Variants in CD2AP observed in about 807,000 individuals in gnomAD.
CD2AP encodes the protein CD2 associated protein.
Under a neutral mutation model 85.1 loss-of-function variants are expected in CD2AP, and 46 were observed. The ratio of observed to expected loss-of-function variants is 0.54; its 90% CI spans 0.43 to 0.69. CD2AP has a LOEUF of 0.69. CD2AP is among the 30% of genes least tolerant of loss of function. The pLI, the probability that CD2AP is intolerant of heterozygous loss-of-function variation, is 0.00. For synonymous variants in CD2AP, 255 were observed against 252.9 expected, an observed-to-expected ratio of 1.01 and a Z score of -0.08; for missense variants, 769 against 729.5, an observed-to-expected ratio of 1.05 and a Z score of -0.62.
intron 11 of CD2AP, among the ~76,000 whole-genome samples, chr6:47,583,317 G>A (rs1175182369): frequency 3.3e-5 from 5 of 152,064 alleles, no homozygotes; most frequent in African/African-American, 7.2e-5. Context: ...TCCTAGTGTT[G>A]TAACTATTAT....
intron 5 of CD2AP, among the ~76,000 whole-genome samples, chr6:47,568,860 G>A (rs943426424): frequency 1.3e-5 from 2 of 152,192 alleles, no homozygotes; most frequent in East Asian, 3.8e-4. Context: ...TGACATTTAA[G>A]GAATGGACTG....
chr6:47,606,021 A>G, intron 13 of CD2AP, 144 bp from the exon 14 acceptor site: 2 of 599,790 alleles, frequency 3.3e-6, no homozygotes, highest in South Asian at 2.1e-5. Context: ...CCAAATGCAT[A>G]TGAAAAGCAC....
chr6:47,624,049 C>A, intron 17 of CD2AP, 137 bp from the exon 18 acceptor site: 1 of 709,578 alleles, frequency 1.4e-6, no homozygotes. Flanking sequence ...CAAATTATAG[C>A]ATGGGAAACT....
chr6:47,597,810 G>A (rs887192924), intron 12 of CD2AP, among the ~76,000 whole-genome samples: 1 of 150,682 alleles, frequency 6.6e-6, no homozygotes, highest in Admixed American at 6.6e-5. Context: ...TGGGACTGTC[G>A]AGGCTGCAGA....
At chr6:47,504,402 C>G (rs1169824802) in intron 2 of CD2AP, among the ~76,000 whole-genome samples, 1 of 152,100 alleles carries the variant, frequency 6.6e-6, no homozygotes, top group African/African-American at 2.4e-5. Context: ...GGTTTCACCT[C>G]CAAGTATGAA....
intron 5 of CD2AP, among the ~76,000 whole-genome samples, chr6:47,556,073 ATTATAC>A (rs1259334526): frequency 2.2e-5 from 3 of 135,570 alleles, no homozygotes; most frequent in Admixed American, 7.8e-5. Flanking sequence ...TTTTTTTTTA[ATTATAC>A]TTTAAGTTCT....
intron 10 of CD2AP, 44 bp downstream of exon 10, chr6:47,580,944 T>A (rs751132248): frequency 4.8e-5 from 63 of 1,314,834 alleles, no homozygotes; most frequent in Non-Finnish European, 6.7e-5. Flanking sequence ...TTCCATTTTT[T>A]AAAATTCTAA....
chr6:47,480,742 A>C (rs1249832074), intron 1 of CD2AP, among the ~76,000 whole-genome samples: 1 of 152,190 alleles, frequency 6.6e-6, no homozygotes, highest in Non-Finnish European at 1.5e-5. Flanking sequence ...GGAAAAAAAA[A>C]ATCTCAATTT....
intron 1 of CD2AP, among the ~76,000 whole-genome samples, chr6:47,489,925 G>A (rs1765681432): frequency 6.7e-6 from 1 of 150,080 alleles, no homozygotes; most frequent in South Asian, 2.1e-4. Context: ...TCTAAAAACT[G>A]TGGATTGGTA....
intron 5 of CD2AP, among the ~76,000 whole-genome samples, chr6:47,567,635 AGAAGTC>A (rs1432348819): frequency 2.6e-5 from 4 of 152,236 alleles, no homozygotes; most frequent in African/African-American, 9.6e-5. Context: ...GTGCCCTAGA[AGAAGTC>A]ATAGATTGAG....
intron 11 of CD2AP, among the ~76,000 whole-genome samples, chr6:47,583,142 G>A (rs1413610213): frequency 2.6e-5 from 4 of 152,078 alleles, no homozygotes; most frequent in African/African-American, 9.7e-5. Flanking sequence ...CAGCAAAATT[G>A]AGCCAAAAGT....
chr6:47,544,870 A>G, intron 4 of CD2AP, 164 bp downstream of exon 4: 2 of 555,878 alleles, frequency 3.6e-6, no homozygotes, highest in Non-Finnish European at 6.3e-6. Flanking sequence ...TTATATATGT[A>G]TTTGTATTTC....
chr6:47,580,722 G>T (rs866480645), intron 9 of CD2AP, 142 bp from the exon 10 acceptor site: 3 of 633,446 alleles, frequency 4.7e-6, no homozygotes, highest in African/African-American at 3.7e-5. Context: ...TAGTTTTTAC[G>T]ATCTTAGCAT....
chr6:47,547,444 A>G (rs1238139209), intron 4 of CD2AP, among the ~76,000 whole-genome samples: 1 of 152,150 alleles, frequency 6.6e-6, no homozygotes, highest in Non-Finnish European at 1.5e-5. Context: ...GGGACATTAC[A>G]TAATGTTAAA....
At chr6:47,493,223 T>C (rs1273664383) in intron 1 of CD2AP, among the ~76,000 whole-genome samples, 3 of 152,190 alleles carry the variant, frequency 2.0e-5, no homozygotes, top group Non-Finnish European at 4.4e-5. Flanking sequence ...TCATTTTCTC[T>C]GAAGAACTTC....
intron 1 of CD2AP, among the ~76,000 whole-genome samples, chr6:47,501,336 C>G (rs1765991917): frequency 6.6e-6 from 1 of 152,198 alleles, no homozygotes; most frequent in Non-Finnish European, 1.5e-5. Context: ...TATCTGTAGA[C>G]CTTTGCCTCT....
At chr6:47,552,830 T>C (rs1767564438) in intron 4 of CD2AP, among the ~76,000 whole-genome samples, 1 of 152,230 alleles carries the variant, frequency 6.6e-6, no homozygotes. Flanking sequence ...CATGCTTTAC[T>C]GCCTTCCCTT....
intron 16 of CD2AP, among the ~76,000 whole-genome samples, chr6:47,611,317 G>A (rs895102255): frequency 1.6e-4 from 24 of 151,388 alleles, no homozygotes; most frequent in African/African-American, 3.4e-4. Flanking sequence ...ATGTATTTGC[G>A]TGTGGCAAAA....
At chr6:47,615,949 T>G (rs1181946708) in intron 17 of CD2AP, among the ~76,000 whole-genome samples, 8 of 151,228 alleles carry the variant, frequency 5.3e-5, no homozygotes, top group Non-Finnish European at 1.2e-4. Context: ...CCGGCTAGTT[T>G]TATTTTTGTA....
Sources: gnomAD v4.1 joint callset for allele counts (sites outside exome capture counted in the v4.1 genomes callset) on GRCh38, gnomAD v4.1.1 for gene constraint, MANE v1.5 for transcripts, NCBI Gene and HGNC (gene_info 2026-07-23, HGNC 2026-07-21) for gene names.